The following SNTG2 variants were observed in gnomAD, a reference collection of about 807,000 sequenced individuals.
The protein encoded by SNTG2 is syntrophin gamma 2.
A neutral mutation model predicts 70.9 loss-of-function variants in SNTG2; 74 were observed. That is an observed-to-expected ratio of 1.04 (90% confidence interval 0.86 to 1.27). SNTG2 has a LOEUF of 1.27. Ranked by LOEUF, SNTG2 falls within the 50% of genes most tolerant of loss-of-function variation. The pLI, the probability that SNTG2 is intolerant of heterozygous loss-of-function variation, is 0.00. For synonymous variants in SNTG2, 278 were observed against 273.8 expected, an observed-to-expected ratio of 1.02 and a Z score of -0.15; for missense variants, 717 against 690.7, an observed-to-expected ratio of 1.04 and a Z score of -0.43.
intron 10 of SNTG2, among the ~76,000 whole-genome samples, chr2:1,239,262 G>A (rs1676889164): frequency 6.6e-6 from 1 of 152,206 alleles, no homozygotes; most frequent in African/African-American, 2.4e-5. Context: ...CCTCCCGGCT[G>A]TGTGGCTGTG....
chr2:1,079,269 C>G (rs1409242587), intron 1 of SNTG2, among the ~76,000 whole-genome samples: 1 of 152,166 alleles, frequency 6.6e-6, no homozygotes, highest in Non-Finnish European at 1.5e-5. Context: ...GTGATGTCTC[C>G]AGGGCACAGG....
intron 1 of SNTG2, among the ~76,000 whole-genome samples, chr2:978,979 C>T (rs142413252): frequency 1.5e-3 from 233 of 152,340 alleles, no homozygotes; most frequent in Middle Eastern, 0.014. Flanking sequence ...GTGTTGCAGG[C>T]TCCCTGCGTT....
intron 4 of SNTG2, among the ~76,000 whole-genome samples, chr2:1,121,410 TCAAA>T (rs1020108280): frequency 2.0e-4 from 30 of 151,692 alleles, no homozygotes; most frequent in African/African-American, 7.3e-4. Context: ...CAGAAATAAG[TCAAA>T]CAGACAATAG....
chr2:1,074,578 C>A (rs1663799443), intron 1 of SNTG2, among the ~76,000 whole-genome samples: 1 of 152,126 alleles, frequency 6.6e-6, no homozygotes, highest in Non-Finnish European at 1.5e-5. Context: ...AAAGATAAGA[C>A]TATTTTGTAA....
At chr2:1,143,043 A>G (rs1026003882) in intron 6 of SNTG2, among the ~76,000 whole-genome samples, 4 of 152,218 alleles carry the variant, frequency 2.6e-5, no homozygotes, top group African/African-American at 4.8e-5. Flanking sequence ...CTCAGAAAAC[A>G]TAATTCTAGG....
rs1680956093 is a variant in SNTG2 at position 1,310,964 on chromosome 2, C to T, written c.1377+2378C>T. ...CAGCTGAGCTCCTATAATTAAAGCG[C>T]ATTTGTCTACAGCCTGGAGTGCCTC... is the stretch of plus-strand genomic sequence containing the variant. On this transcript the variant is annotated intron_variant, in intron 15 of 16. Coordinates refer to ENST00000308624, the MANE Select transcript of SNTG2 (RefSeq NM_018968.4). Among the ~76,000 whole-genome samples the T allele has an allele frequency of 2.0e-5, 3 of 152,202 alleles. No homozygotes were observed. In the South Asian group the frequency reaches 6.2e-4, roughly 31 times the overall value.
At position 1,162,034 on chromosome 2, in the gene SNTG2, A is replaced by C. The variant is rs533143780; in HGVS notation, c.412-3514A>C. On this transcript the variant is annotated intron_variant, in intron 6 of 16. Transcript: ENST00000308624. ...GCTTGCAGTGGGCCCAGATGGCGCC[A>C]CTGCACTCCAGCCTGGGCGACAGTG... Among the ~76,000 whole-genome samples the C allele has an allele frequency of 2.7e-3, 364 of 134,190 alleles. 6 individuals are homozygous for C. In the Middle Eastern group the frequency reaches 0.034, roughly 12 times the overall value. 88.0% of individuals were successfully genotyped at this position (134,190 alleles called of 152,430 possible). A position where few individuals can be genotyped will look rare whatever the true frequency, so the allele number is the denominator to read the frequency against.
chr2:1,110,609 A>C (rs1031970269), intron 4 of SNTG2, among the ~76,000 whole-genome samples: 4 of 152,194 alleles, frequency 2.6e-5, no homozygotes, highest in Non-Finnish European at 5.9e-5. Flanking sequence ...CAGAGACTTG[A>C]GCAGCTGAGA....
At chr2:1,096,460 C>T (rs1298974878) in intron 2 of SNTG2, among the ~76,000 whole-genome samples, 4 of 152,110 alleles carry the variant, frequency 2.6e-5, no homozygotes, top group African/African-American at 9.7e-5. Context: ...TGAAATGTTG[C>T]ACCCTTTGGC....
chr2:1,349,657 T>C (rs1660477584), intron 16 of SNTG2, among the ~76,000 whole-genome samples: 1 of 152,232 alleles, frequency 6.6e-6, no homozygotes. Context: ...CTTATGCTAC[T>C]TTTCTCACCT....
intron 14 of SNTG2, among the ~76,000 whole-genome samples, chr2:1,290,660 A>G (rs1427962496): frequency 1.3e-5 from 2 of 152,148 alleles, no homozygotes; most frequent in African/African-American, 2.4e-5. Context: ...TGAGAACTCT[A>G]TCACAAGACA....
intron 14 of SNTG2, among the ~76,000 whole-genome samples, chr2:1,306,334 T>A (rs561658884): frequency 6.6e-6 from 1 of 152,182 alleles, no homozygotes; most frequent in East Asian, 1.9e-4. Context: ...CTTCCAGCCT[T>A]TTGGGCCCCC....
At position 1,239,611 on chromosome 2, in the gene SNTG2, G is replaced by A. The variant is rs531129485; in HGVS notation, c.850-127G>A. Reference sequence around the variant, plus strand: ...TTGACTCTGGCTAGGTCTTCAGATAGGAAATATGTCATTAAAGAGGCCTGT... The same window carrying A: ...TTGACTCTGGCTAGGTCTTCAGATAAGAAATATGTCATTAAAGAGGCCTGT... On this transcript the variant is annotated intron_variant, in intron 10 of 16. Transcript: ENST00000308624. The A allele has an allele frequency of 1.5e-5, 14 of 945,422 alleles. No homozygotes were observed. The African/African-American group carries it at 2.0e-4, about 13-fold the overall frequency. 58.6% of individuals were successfully genotyped at this position (945,422 alleles called of 1,614,324 possible). A position where few individuals can be genotyped will look rare whatever the true frequency, so the allele number is the denominator to read the frequency against.
At chr2:1,222,119 C>CTGTCTCTGTCTCTG (rs1228556001) in intron 9 of SNTG2, among the ~76,000 whole-genome samples, 1 of 107,720 alleles carries the variant, frequency 9.3e-6, no homozygotes, top group Non-Finnish European at 1.8e-5. Context: ...CTCTCTGTCT[C>CTGTCTCTGTCTCTG]TCTCTGTCTC....
At chr2:1,155,137 CACAG>C (rs1487840764) in intron 6 of SNTG2, among the ~76,000 whole-genome samples, 1 of 141,574 alleles carries the variant, frequency 7.1e-6, no homozygotes, top group Middle Eastern at 3.5e-3. Context: ...AACACAAACA[CACAG>C]ACACACTCCA....
At position 1,310,445 on chromosome 2, in the gene SNTG2, C is replaced by G. The variant is rs1029049986; in HGVS notation, c.1377+1859C>G. Among the ~76,000 whole-genome samples, 3 of 152,186 alleles carry G rather than the reference C, an allele frequency of 2.0e-5. No homozygotes were observed. The South Asian group carries it at 6.2e-4, about 32-fold the overall frequency. On this transcript the variant is annotated intron_variant, in intron 15 of 16. Coordinates refer to ENST00000308624, the MANE Select transcript of SNTG2 (RefSeq NM_018968.4). ...CTAGAGGGTCTCAGCACAGGAAGATCAACTGAGTCTGCAAAAATGAAAAGA... is the reference window on the plus strand; with the variant it reads ...CTAGAGGGTCTCAGCACAGGAAGATGAACTGAGTCTGCAAAAATGAAAAGA...
intron 12 of SNTG2, among the ~76,000 whole-genome samples, chr2:1,257,571 C>A (rs1678195191): frequency 6.6e-6 from 1 of 152,168 alleles, no homozygotes; most frequent in Non-Finnish European, 1.5e-5. Flanking sequence ...AGCACAGCCC[C>A]CTCCAAGCTT....
At chr2:1,176,554 C>G (rs558620828) in intron 8 of SNTG2, among the ~76,000 whole-genome samples, 7 of 151,994 alleles carry the variant, frequency 4.6e-5, no homozygotes, top group Non-Finnish European at 7.4e-5. Flanking sequence ...TCAGAGTGAA[C>G]AGGCAAGTTA....
chr2:1,148,187 G>A (rs1026902660), intron 6 of SNTG2, among the ~76,000 whole-genome samples: 1 of 152,226 alleles, frequency 6.6e-6, no homozygotes, highest in Admixed American at 6.5e-5. Flanking sequence ...AACATTGTGA[G>A]GCTCTGTCAT....
Sources: allele counts gnomAD v4.1 joint callset (sites outside exome capture counted in the v4.1 genomes callset), GRCh38; gene constraint gnomAD v4.1.1; transcripts MANE v1.5; gene names NCBI Gene and HGNC (gene_info 2026-07-23, HGNC 2026-07-21).